KIAA1217: variants seen among roughly 807,000 people sequenced by gnomAD.
KIAA1217 encodes the protein sickle tail protein homolog.
A neutral mutation model predicts 163.9 loss-of-function variants in KIAA1217; 88 were observed. The ratio of observed to expected loss-of-function variants is 0.54; its 90% CI spans 0.45 to 0.64. KIAA1217 has a LOEUF of 0.64. Ranked by LOEUF, KIAA1217 falls within the 30% of genes least tolerant of loss-of-function variation. KIAA1217 has a pLI of 0.00. For synonymous variants in KIAA1217, 903 were observed against 923.1 expected, an observed-to-expected ratio of 0.98 and a Z score of 0.39; for missense variants, 2,372 against 2,475.0, an observed-to-expected ratio of 0.96 and a Z score of 0.88.
intron 1 of KIAA1217, among the ~76,000 whole-genome samples, chr10:23,733,996 A>AT (rs1172006909): frequency 1.3e-5 from 2 of 152,178 alleles, no homozygotes; most frequent in African/African-American, 4.8e-5. Flanking sequence ...GGAAAAACAC[A>AT]TTTTTTCTTT....
chr10:24,525,973 A>C (rs2072094810), intron 13 of KIAA1217, among the ~76,000 whole-genome samples: 1 of 152,238 alleles, frequency 6.6e-6, no homozygotes, highest in Non-Finnish European at 1.5e-5. Flanking sequence ...CCTGGGCGAC[A>C]GAGTGAGACC....
At chr10:24,513,476 A>T in intron 10 of KIAA1217, 42 bp downstream of exon 10, 1 of 1,590,396 alleles carries the variant, frequency 6.3e-7, no homozygotes, top group South Asian at 1.1e-5. Context: ...TTCACCTGCA[A>T]AGGAAAATTA....
intron 1 of KIAA1217, among the ~76,000 whole-genome samples, chr10:23,859,112 C>G (rs1839840632): frequency 6.6e-6 from 1 of 152,098 alleles, no homozygotes; most frequent in Non-Finnish European, 1.5e-5. Flanking sequence ...GTGTGTGAAC[C>G]CATATATGTA....
At chr10:24,291,687 T>TA (rs1313898931) in intron 2 of KIAA1217, among the ~76,000 whole-genome samples, 1 of 152,152 alleles carries the variant, frequency 6.6e-6, no homozygotes, top group Non-Finnish European at 1.5e-5. Context: ...TTGGTCACAC[T>TA]ACACCATTTT....
chr10:23,934,506 CT>C (rs201429714), intron 1 of KIAA1217, among the ~76,000 whole-genome samples: 36,869 of 97,316 alleles, frequency 0.38, 7,156 homozygotes, highest in African/African-American at 0.57. Context: ...TCTTTCTTTT[CT>C]TTTTTTTTTT....
At chr10:24,452,778 T>A (rs113028332) in intron 5 of KIAA1217, among the ~76,000 whole-genome samples, 3 of 150,636 alleles carry the variant, frequency 2.0e-5, no homozygotes, top group Non-Finnish European at 3.0e-5. Flanking sequence ...CTTTTAAAAA[T>A]AACTAAAAGA....
intron 3 of KIAA1217, among the ~76,000 whole-genome samples, chr10:24,402,772 G>C (rs3904336): frequency 0.3 from 46,032 of 152,010 alleles, 11,642 homozygotes; most frequent in African/African-American, 0.69. Flanking sequence ...TCTAGATACT[G>C]GTCCTTCATC....
At chr10:23,884,389 A>G (rs981137103) in intron 1 of KIAA1217, among the ~76,000 whole-genome samples, 1 of 151,912 alleles carries the variant, frequency 6.6e-6, no homozygotes, top group African/African-American at 2.4e-5. Context: ...TTTCTTACCC[A>G]TTCTTGATTA....
intron 2 of KIAA1217, 43 bp downstream of exon 2, chr10:24,219,952 A>G (rs1374190615): frequency 6.5e-7 from 1 of 1,528,132 alleles, no homozygotes; most frequent in South Asian, 1.3e-5. Flanking sequence ...CTCGCTCTCT[A>G]ATGAACATCG....
intron 1 of KIAA1217, among the ~76,000 whole-genome samples, chr10:23,843,771 G>C (rs1379118620): frequency 6.6e-6 from 1 of 152,094 alleles, no homozygotes; most frequent in African/African-American, 2.4e-5. Flanking sequence ...GTTTCTTTGG[G>C]TCTTTTTTCT....
At chr10:23,949,182 TAA>T (rs1243093428) in intron 1 of KIAA1217, among the ~76,000 whole-genome samples, 1 of 152,180 alleles carries the variant, frequency 6.6e-6, no homozygotes, top group Non-Finnish European at 1.5e-5. Context: ...TGTTGAAAAT[TAA>T]GATATTTGTG....
intron 2 of KIAA1217, among the ~76,000 whole-genome samples, chr10:24,100,119 T>G (rs1208561235): frequency 6.6e-6 from 1 of 152,124 alleles, no homozygotes; most frequent in Non-Finnish European, 1.5e-5. Flanking sequence ...TCTCATTTCA[T>G]TGGTCTTCAA....
chr10:23,735,899 C>T (rs996175683), intron 1 of KIAA1217, among the ~76,000 whole-genome samples: 3 of 152,176 alleles, frequency 2.0e-5, no homozygotes, highest in Non-Finnish European at 4.4e-5. Flanking sequence ...GAACTTACCC[C>T]ACATTCCCAG....
chr10:23,716,774 C>T (rs11013651), intron 1 of KIAA1217, among the ~76,000 whole-genome samples: 3,216 of 152,224 alleles, frequency 0.021, 126 homozygotes, highest in African/African-American at 0.073. Flanking sequence ...AAAAAACATT[C>T]TTGTGGCTTT....
chr10:23,997,336 A>G (rs1042384516), intron 1 of KIAA1217, among the ~76,000 whole-genome samples: 1 of 152,216 alleles, frequency 6.6e-6, no homozygotes, highest in African/African-American at 2.4e-5. Context: ...TAAGGCCACT[A>G]TGAAAAGAAA....
chr10:23,981,850 A>C (rs1263023442), intron 1 of KIAA1217, among the ~76,000 whole-genome samples: 2 of 152,000 alleles, frequency 1.3e-5, no homozygotes, highest in Non-Finnish European at 2.9e-5. Flanking sequence ...TATCAGTAAC[A>C]TTTTCAGCTA....
chr10:24,129,296 A>G (rs1345129830), intron 2 of KIAA1217, among the ~76,000 whole-genome samples: 1 of 152,128 alleles, frequency 6.6e-6, no homozygotes, highest in Admixed American at 6.6e-5. Flanking sequence ...TATTTATTGT[A>G]TCTACTCAAG....
intron 2 of KIAA1217, among the ~76,000 whole-genome samples, chr10:24,245,532 G>A (rs2073688892): frequency 6.6e-6 from 1 of 152,140 alleles, no homozygotes; most frequent in Non-Finnish European, 1.5e-5. Context: ...AGATTCTGAT[G>A]GACCCTTGGT....
chr10:24,289,984 G>A lies in KIAA1217; in HGVS notation c.354+70075G>A, dbSNP rs375422613. Among the ~76,000 whole-genome samples, 10 of 152,276 alleles carry A rather than the reference G, an allele frequency of 6.6e-5. No individual in the cohort carries two copies. In the East Asian group the frequency reaches 1.2e-3, roughly 18 times the overall value. On this transcript the variant is annotated intron_variant, in intron 2 of 20. Coordinates refer to ENST00000376454, the MANE Select transcript of KIAA1217 (RefSeq NM_019590.5). ...GAGCCAACAGGTTGTTATCAAAAGC[G>A]AAGAGAATAGAGTTGAAGATTTCAG...
Sources: allele counts gnomAD v4.1 joint callset (sites outside exome capture counted in the v4.1 genomes callset), GRCh38; gene constraint gnomAD v4.1.1; transcripts MANE v1.5; gene names NCBI Gene and HGNC (gene_info 2026-07-23, HGNC 2026-07-21).